The following DPP6 variants were observed in gnomAD, a reference collection of about 807,000 sequenced individuals.
DPP6 encodes the protein A-type potassium channel modulatory protein DPP6.
In DPP6, 69 loss-of-function variants were observed where a neutral mutation model predicts 122.6. The ratio of observed to expected loss-of-function variants is 0.56; its 90% confidence interval spans 0.46 to 0.69. DPP6 has a LOEUF of 0.69. DPP6 is among the 30% of genes least tolerant of loss of function. The pLI is 0.00. For missense variants in DPP6, 928 were observed against 1,116.9 expected (o/e 0.83, Z 2.41); for synonymous variants, 418 against 433.1 (o/e 0.97, Z 0.43).
intron 3 of DPP6, among the ~76,000 whole-genome samples, chr7:154,507,156 T>C (rs1453729334): frequency 6.6e-6 from 1 of 152,178 alleles, no homozygotes; most frequent in African/African-American, 2.4e-5. Flanking sequence ...CACTTTAAGT[T>C]GAGTGATGGA....
intron 1 of DPP6, among the ~76,000 whole-genome samples, chr7:154,331,583 C>G (rs74462411): frequency 6.6e-6 from 1 of 152,142 alleles, no homozygotes; most frequent in African/African-American, 2.4e-5. Flanking sequence ...GCTGTTGGAT[C>G]AAGAAGATGC....
At chr7:154,132,305 A>G (rs1230016905) in intron 1 of DPP6, among the ~76,000 whole-genome samples, 2 of 152,136 alleles carry the variant, frequency 1.3e-5, no homozygotes, top group Non-Finnish European at 2.9e-5. Context: ...GAGGTTTTTG[A>G]TGTCTTAAAA....
chr7:154,674,147 A>T (rs1339008224), intron 7 of DPP6, among the ~76,000 whole-genome samples: 1 of 152,106 alleles, frequency 6.6e-6, no homozygotes, highest in African/African-American at 2.4e-5. Flanking sequence ...AAGTGCTGGG[A>T]TTATAAGCAT....
At chr7:154,179,001 GT>G (rs1797946272) in intron 1 of DPP6, among the ~76,000 whole-genome samples, 1 of 152,164 alleles carries the variant, frequency 6.6e-6, no homozygotes, top group East Asian at 1.9e-4. Context: ...CCTCCAAAGG[GT>G]TATGAGTCCC....
intron 5 of DPP6, among the ~76,000 whole-genome samples, chr7:154,622,982 A>G (rs1287942576): frequency 3.9e-5 from 6 of 152,196 alleles, no homozygotes; most frequent in African/African-American, 1.2e-4. Flanking sequence ...ACAGATAATC[A>G]ATTTCAGTTG....
At chr7:154,248,661 T>G (rs1802146062) in intron 1 of DPP6, among the ~76,000 whole-genome samples, 1 of 151,820 alleles carries the variant, frequency 6.6e-6, no homozygotes, top group South Asian at 2.1e-4. Context: ...ACATCAGGAG[T>G]CTGAGAGCAA....
chr7:154,575,879 A>T (rs1308553751), intron 5 of DPP6, among the ~76,000 whole-genome samples: 3 of 151,840 alleles, frequency 2.0e-5, no homozygotes, highest in Admixed American at 2.0e-4. Context: ...GCAGCATTCC[A>T]GCGGATCTAC....
intron 1 of DPP6, among the ~76,000 whole-genome samples, chr7:154,390,399 G>C (rs765910264): frequency 2.6e-5 from 4 of 152,136 alleles, no homozygotes; most frequent in Non-Finnish European, 4.4e-5. Context: ...GAAGGTGTTG[G>C]AGAGTTTGAG....
rs1800440193 is a variant in DPP6, at chr7:154,052,660, G to T, written c.-161G>T. ...GGAGACTCGCGAGTGGCGCGCGGGA[G>T]GAGCGGCCGCCGGCGCTGGGCTTGC... On this transcript the variant is annotated 5_prime_UTR_variant, in exon 1 of 26. It adds an upstream start codon to the 5' untranslated region. Transcript: ENST00000377770. This position sits in a 1 kb window ranked among gnomAD's most constrained non-coding sequence, Gnocchi z 4.8. 1.6e-6 allele frequency: 2 copies of T among 1,263,088 alleles called. No individual in the cohort carries two copies. The highest frequency in any genetic ancestry group is 3.4e-5 in the South Asian group (2 of 58,242). The allele number at this position is 1,263,088 out of a possible 1,614,324, so 78.2% of individuals were successfully genotyped here. A position where few individuals can be genotyped will look rare whatever the true frequency, so the allele number is the denominator to read the frequency against.
In DPP6 at chr7:154,487,825, C is replaced by A. The variant is rs542684136; in HGVS notation, c.457+12788C>A. On this transcript the variant is annotated intron_variant, in intron 3 of 25. Transcript: ENST00000377770. ...TTGACATCTTTTCAAACATCGATCA[C>A]CTTCTTAATTAATAAAAAAGACTCA... Among the ~76,000 whole-genome samples the A allele has an allele frequency of 2.6e-4, 39 of 152,274 alleles. No individual in the cohort carries two copies. The South Asian group carries it at 7.0e-3, about 28-fold the overall frequency.
intron 1 of DPP6, among the ~76,000 whole-genome samples, chr7:154,216,344 C>CAT (rs1286468663): frequency 6.6e-6 from 1 of 152,184 alleles, no homozygotes; most frequent in Non-Finnish European, 1.5e-5. Flanking sequence ...TCTGGAAAAG[C>CAT]ACTGGACAGT....
chr7:154,604,071 G>C lies in DPP6; in HGVS notation c.628-33750G>C, dbSNP rs1265445152. ...TTAAAAATCAAAAATAGCTTTCCGT[G>C]TGTTTTTCTTCTAAAAGTCATACAT... On this transcript the variant is annotated intron_variant, in intron 5 of 25. Coordinates refer to ENST00000377770, the MANE Select transcript of DPP6 (RefSeq NM_130797.4). Among the ~76,000 whole-genome samples, 2 of 120,690 alleles carry C rather than the reference G, an allele frequency of 1.7e-5. 1 individual carries two copies. Among genetic ancestry groups the C allele is most frequent in the Non-Finnish European group, 3.7e-5 (2 of 53,632 alleles). 79.2% of individuals were successfully genotyped at this position (120,690 alleles called of 152,430 possible).
intron 1 of DPP6, among the ~76,000 whole-genome samples, chr7:154,206,253 A>G (rs1297494006): frequency 6.6e-6 from 1 of 152,152 alleles, no homozygotes; most frequent in Non-Finnish European, 1.5e-5. Flanking sequence ...GCTCTCATCA[A>G]GATCTTTGCC....
intron 5 of DPP6, among the ~76,000 whole-genome samples, chr7:154,627,000 C>CTTTTTTTTTTTTTTTTTTTTT (rs552919287): frequency 1.9e-5 from 1 of 52,092 alleles, no homozygotes; most frequent in Non-Finnish European, 3.4e-5. Context: ...GAAATTTTTT[C>CTTTTTTTTTTTTTTTTTTTTT]TTTTTTTTTT....
At chr7:154,563,080 C>T (rs73165006) in intron 4 of DPP6, among the ~76,000 whole-genome samples, 24 of 152,180 alleles carry the variant, frequency 1.6e-4, no homozygotes, top group South Asian at 6.2e-4. Flanking sequence ...TATAAAAAGT[C>T]GGAGGCAAGG....
At chr7:154,572,666 G>C (rs567912510) in intron 5 of DPP6, among the ~76,000 whole-genome samples, 16 of 144,878 alleles carry the variant, frequency 1.1e-4, no homozygotes, top group African/African-American at 4.1e-4. Context: ...ACAGGCACCC[G>C]CCACCACACA....
At chr7:154,433,315 C>T (rs1818595333) in intron 1 of DPP6, among the ~76,000 whole-genome samples, 1 of 116,074 alleles carries the variant, frequency 8.6e-6, no homozygotes. Flanking sequence ...CCGTGCCTGA[C>T]TAATTTTTGC....
intron 16 of DPP6, among the ~76,000 whole-genome samples, chr7:154,820,879 C>T (rs1349961847): frequency 6.6e-6 from 1 of 152,116 alleles, no homozygotes; most frequent in Non-Finnish European, 1.5e-5. Context: ...CGATACATAC[C>T]TCCTAATAAA....
chr7:154,008,091 A>G (rs1232370148), intron 1 of DPP6, among the ~76,000 whole-genome samples: 1 of 152,130 alleles, frequency 6.6e-6, no homozygotes, highest in East Asian at 1.9e-4. Flanking sequence ...AATAGTGAAA[A>G]TCTTTGCATG....
Sources: gnomAD v4.1 joint callset for allele counts (sites outside exome capture counted in the v4.1 genomes callset) on GRCh38, gnomAD v4.1.1 for gene constraint, Gnocchi (gnomAD v3.1) non-coding constraint, MANE v1.5 for transcripts, NCBI Gene and HGNC (gene_info 2026-07-23, HGNC 2026-07-21) for gene names.